The following MLLT6 variants were observed in gnomAD, a reference collection of about 807,000 sequenced individuals.
MLLT6 encodes the protein MLLT6, PHD finger containing, also known as protein AF-17.
Under a neutral mutation model 103.0 loss-of-function variants are expected in MLLT6, and 22 were observed. That is an observed-to-expected ratio of 0.21 (90% CI 0.15 to 0.31). The LOEUF is 0.31. MLLT6 is among the 10% of genes least tolerant of loss of function. The probability of loss-of-function intolerance (pLI) is 1.00; values close to 1 mark genes in which losing one functional copy is unlikely to be tolerated. For missense variants in MLLT6, 1,199 were observed against 1,441.7 expected (o/e 0.83, Z 2.73); for synonymous variants, 606 against 623.5 (o/e 0.97, Z 0.42).
At chr17:38,712,552 A>G (rs753190694) in intron 7 of MLLT6, 139 bp from the exon 8 acceptor site, 16 of 640,584 alleles carry the variant, frequency 2.5e-5, no homozygotes, top group Non-Finnish European at 4.5e-5. Flanking sequence ...CCAGCCCATT[A>G]TCCAGCCCTC....
At chr17:38,712,918 C>T in intron 8 of MLLT6, 129 bp downstream of exon 8, 1 of 746,860 alleles carries the variant, frequency 1.3e-6, no homozygotes, top group Non-Finnish European at 2.5e-6. Flanking sequence ...AATGCCACTC[C>T]CCTCCTACCC....
Position 38,722,674 on chromosome 17 carries a change from T to G in MLLT6, c.2793-4T>G. On this transcript the variant is annotated splice_polypyrimidine_tract_variant and splice_region_variant and intron_variant, in intron 17 of 19. Transcript: ENST00000621332. Reference sequence around the variant, plus strand: ...CCCCCCCCCACCCCCCACCCCCACCTCAGCCTTACAGAGCAGCAGAGACAT... The same window carrying G: ...CCCCCCCCCACCCCCCACCCCCACCGCAGCCTTACAGAGCAGCAGAGACAT... 1 of 359,256 alleles carries G rather than the reference T, an allele frequency of 2.8e-6. No individual in the cohort carries two copies. Among genetic ancestry groups the G allele is most frequent in the Non-Finnish European group, 4.2e-6 (1 of 239,296 alleles). 22.3% of individuals were successfully genotyped at this position (359,256 alleles called of 1,614,324 possible). A position where few individuals can be genotyped will look rare whatever the true frequency, so the allele number is the denominator to read the frequency against.
rs752751181 is a variant in MLLT6 at position 38,715,649 on chromosome 17, C to A, written c.857C>A (p.Ala286Asp). ...GCTTCCTCTTCCTCCCACCACGAGGCCAGCACGCAGGAGACCTCTGAGAGC... is the reference window on the plus strand; with the variant it reads ...GCTTCCTCTTCCTCCCACCACGAGGACAGCACGCAGGAGACCTCTGAGAGC... The part of the protein sequence containing the change: ...SSASSSSHHE[A>D]STQETSESSR... Residue 286 changes from alanine (A) to aspartate (D), a missense_variant, in exon 9 of 20, where the codon GCC (alanine) becomes GAC (aspartate). By Grantham distance (126) the Ala-to-Asp change is moderately radical. This residue lies in a region of MLLT6 where 1,034 missense variants were observed against 1,091.5 expected (regional missense o/e 0.95). Coordinates refer to ENST00000621332, the MANE Select transcript of MLLT6 (RefSeq NM_005937.4). 5.6e-6 allele frequency: 9 copies of A among 1,613,820 alleles called. No homozygotes were observed. The East Asian group carries it at 2.0e-4, about 36-fold the overall frequency.
intron 3 of MLLT6, 26 bp downstream of exon 3, chr17:38,707,566 C>T (rs1904983933): frequency 3.7e-6 from 6 of 1,611,466 alleles, no homozygotes; most frequent in Non-Finnish European, 5.1e-6. Flanking sequence ...CTGCTGAGGT[C>T]AGCAGGGCCC....
intron 18 of MLLT6, among the ~76,000 whole-genome samples, chr17:38,723,940 A>G (rs1905890169): frequency 1.3e-5 from 2 of 151,476 alleles, no homozygotes; most frequent in African/African-American, 4.9e-5. Flanking sequence ...ATGGGGTTTC[A>G]CCATGTTGGC....
At chr17:38,719,132 A>C in intron 12 of MLLT6, 1 of 302,058 alleles carries the variant, frequency 3.3e-6, no homozygotes, top group South Asian at 7.5e-5. Context: ...TAATCTTAAT[A>C]ACAGTCACTT....
rs1203282091 is a variant in MLLT6, at chr17:38,719,988, C to T, written c.2155+93C>T. The T allele has an allele frequency of 8.3e-6, 12 of 1,443,622 alleles. No homozygotes were observed. In the East Asian group the frequency reaches 2.2e-4, roughly 27 times the overall value. 89.4% of individuals were successfully genotyped at this position (1,443,622 alleles called of 1,614,324 possible). A position where few individuals can be genotyped will look rare whatever the true frequency, so the allele number is the denominator to read the frequency against. On this transcript the variant is annotated intron_variant, in intron 14 of 19. Transcript: ENST00000621332. ...TCCCCAAGCTTCTTTAAGGTTCCGC[C>T]CTTAGGCCCCGCCCCAGCCTTGACT...
chr17:38,720,108 GC>G (rs1475911051), intron 14 of MLLT6: 8 of 764,306 alleles, frequency 1.0e-5, no homozygotes, highest in Non-Finnish European at 4.1e-6. Flanking sequence ...TGGCCTCCGG[GC>G]CCCGACCTTA....
rs1321240829 is a variant in MLLT6 at position 38,722,058 on chromosome 17, C to T, written c.2623C>T (p.Leu875=). 41 of 1,398,396 alleles carry T rather than the reference C, an allele frequency of 2.9e-5. No homozygotes were observed. Among genetic ancestry groups the T allele is most frequent in the Non-Finnish European group, 3.8e-5 (41 of 1,080,952 alleles). The allele number at this position is 1,398,396 out of a possible 1,614,324, so 86.6% of individuals were successfully genotyped here. ...GLGRAPGAAG[L]GAMPMAEGLL... The stretch of plus-strand genomic sequence containing the variant: ...GGGCCGGGCACCCGGGGCAGCGGGG[C>T]TGGGGGCCATGCCCATGGCTGAGGG... The change falls in exon 17 of 20, where the codon CTG becomes TTG. Residue 875 remains leucine, a synonymous_variant. Transcript: ENST00000621332.
chr17:38,714,423 G>A (rs1174000316), intron 8 of MLLT6: 1 of 152,276 alleles, frequency 6.6e-6, no homozygotes, highest in Non-Finnish European at 1.5e-5. Flanking sequence ...ACTTATCGAC[G>A]TTGAGACTTT....
intron 10 of MLLT6, 78 bp downstream of exon 10, chr17:38,717,059 G>A (rs1229720829): frequency 1.4e-5 from 22 of 1,570,216 alleles, no homozygotes; most frequent in Non-Finnish European, 1.8e-5. Flanking sequence ...CATGCACTTA[G>A]AAGGAAATGG....
At chr17:38,715,964 C>G (rs1420201902) in intron 9 of MLLT6, 136 bp downstream of exon 9, 9 of 827,088 alleles carry the variant, frequency 1.1e-5, no homozygotes, top group Non-Finnish European at 1.5e-5. Flanking sequence ...TGGGGAATCC[C>G]CTCCTCTCCA....
At chr17:38,718,587 G>A (rs1597997536) in intron 12 of MLLT6, 2 of 152,434 alleles carry the variant, frequency 1.3e-5, no homozygotes, top group Middle Eastern at 6.8e-3. Flanking sequence ...AGAGATGGAA[G>A]ACTTGCTCAA....
Position 38,729,511 on chromosome 17 carries a change from T to C in MLLT6, c.*3913T>C, listed in dbSNP as rs1906208436. ...ACTGGAGACCTCACCCCTGCTCCCG[T>C]CCCGCCCCCTTTCTATCCCAACCTG... is the stretch of plus-strand genomic sequence containing the variant. On this transcript the variant is annotated 3_prime_UTR_variant, in exon 20 of 20. Transcript: ENST00000621332. 4.3e-6 allele frequency: 1 copy of C among 233,450 alleles called. No homozygotes were observed. The highest frequency in any genetic ancestry group is 8.5e-6 in the Non-Finnish European group (1 of 117,902). 14.5% of individuals were successfully genotyped at this position (233,450 alleles called of 1,614,324 possible).
chr17:38,722,198 C>T lies in MLLT6; in HGVS notation c.2763C>T (p.Pro921=), dbSNP rs1302002934. 1.5e-6 allele frequency: 2 copies of T among 1,366,072 alleles called. No individual in the cohort carries two copies. The highest frequency in any genetic ancestry group is 1.7e-5 in the South Asian group (1 of 57,794). The allele number at this position is 1,366,072 out of a possible 1,614,324, so 84.6% of individuals were successfully genotyped here. ...GCTTGAGCCAGGCTGGCGGGGCCCC[C>T]ACGCTGCAGCTGCCAGGCTGTCTCA... ...PASLSQAGGA[P]TLQLPGCLNS... is the part of the protein sequence containing the mutation. The change falls in exon 17 of 20, where the codon CCC becomes CCT. Residue 921 remains proline (P), a synonymous_variant. Coordinates refer to ENST00000621332, the MANE Select transcript of MLLT6 (RefSeq NM_005937.4).
chr17:38,707,100 G>A (rs1246894344), intron 2 of MLLT6, 71 bp downstream of exon 2: 1 of 1,352,596 alleles, frequency 7.4e-7, no homozygotes, highest in Non-Finnish European at 1.0e-6. Context: ...GTTGAGCTAG[G>A]GGACTCTGAG....
chr17:38,705,419 G>A lies in MLLT6; in HGVS notation c.-214G>A. Reference sequence around the variant, plus strand: ...CGTCGGGGCATGAGGGCGAGAGCACGGCGGGGGGGGCGGCCAGACAGAGCG... The same window carrying A: ...CGTCGGGGCATGAGGGCGAGAGCACAGCGGGGGGGGCGGCCAGACAGAGCG... On this transcript the variant is annotated 5_prime_UTR_variant, in exon 1 of 20. Coordinates refer to ENST00000621332, the MANE Select transcript of MLLT6 (RefSeq NM_005937.4). 5.2e-6 allele frequency: 2 copies of A among 385,058 alleles called. No individual in the cohort carries two copies. Among genetic ancestry groups the A allele is most frequent in the Non-Finnish European group, 9.5e-6 (2 of 209,984 alleles). The allele number at this position is 385,058 out of a possible 1,614,324, so 23.9% of individuals were successfully genotyped here. A position where few individuals can be genotyped will look rare whatever the true frequency, so the allele number is the denominator to read the frequency against.
Position 38,709,022 on chromosome 17 carries a change from A to ACCATAGAG in MLLT6, c.355-149_355-142dup, listed in dbSNP as rs1162881431. The ACCATAGAG allele has an allele frequency of 1.2e-5, 8 of 654,744 alleles. No homozygotes were observed. In the East Asian group the frequency reaches 2.1e-4, roughly 17 times the overall value. The allele number at this position is 654,744 out of a possible 1,614,324, so 40.6% of individuals were successfully genotyped here. ...GTGGCATTTGTCTTGGACGGCGCAG[A>ACCATAGAG]CCATAGAGCGTTTTCATCACTGCAG... On this transcript the variant is annotated intron_variant, in intron 4 of 19. Transcript: ENST00000621332. The surrounding 1 kb of genome is among the most constrained non-coding windows in gnomAD (Gnocchi z 4.3).
chr17:38,709,604 G>A lies in MLLT6; in HGVS notation c.552+29G>A, dbSNP rs1025294067. On this transcript the variant is annotated intron_variant, in intron 6 of 19. Coordinates refer to ENST00000621332, the MANE Select transcript of MLLT6 (RefSeq NM_005937.4). This position sits in a 1 kb window ranked among gnomAD's most constrained non-coding sequence, Gnocchi z 4.3. ...AGTCCTGGCGACCAGCGCATGAGCG[G>A]GTCAGTCAGCTGTGGTAAGATGGTT... The A allele has an allele frequency of 1.3e-6, 2 of 1,564,822 alleles. No individual in the cohort carries two copies. The highest frequency in any genetic ancestry group is 1.7e-5 in the Admixed American group (1 of 59,928).
Sources: gnomAD v4.1 joint callset for allele counts (sites outside exome capture counted in the v4.1 genomes callset) on GRCh38, gnomAD v4.1.1 for gene constraint, gnomAD v4.1.1 regional missense constraint, Gnocchi (gnomAD v3.1) non-coding constraint, MANE v1.5 for transcripts, NCBI Gene and HGNC (gene_info 2026-07-23, HGNC 2026-07-21) for gene names.